DDX42: variants seen among roughly 807,000 people sequenced by gnomAD.
DDX42 encodes DEAD-box helicase 42, also known as ATP-dependent RNA helicase DDX42.
Under a neutral mutation model 101.5 loss-of-function variants are expected in DDX42, and 22 were observed. The ratio of observed to expected loss-of-function variants is 0.22; its 90% CI spans 0.15 to 0.31. DDX42 has a LOEUF of 0.31. DDX42 is among the 10% of genes least tolerant of loss of function. The probability of loss-of-function intolerance (pLI) is 1.00; values close to 1 mark genes in which losing one functional copy is unlikely to be tolerated. For missense variants in DDX42, 849 were observed against 1,199.9 expected, an observed-to-expected ratio of 0.71 and a Z score of 4.32; for synonymous variants, 402 against 401.2, an observed-to-expected ratio of 1.00 and a Z score of -0.02.
intron 15 of DDX42, among the ~76,000 whole-genome samples, chr17:63,814,974 C>G (rs912120106): frequency 1.3e-5 from 2 of 152,198 alleles, no homozygotes; most frequent in African/African-American, 4.8e-5. Context: ...TAGGCGTGAG[C>G]CACCGCCCTG....
In DDX42 at chr17:63,813,216, T is replaced by C. The variant is rs372479970; in HGVS notation, c.1676-12T>C. 13 of 1,583,014 alleles carry C rather than the reference T, an allele frequency of 8.2e-6. No homozygotes were observed. Among genetic ancestry groups the C allele is most frequent in the South Asian group, 1.1e-5 (1 of 89,132 alleles). ...ATGAAGAATAAAAGAATTTGGTTGC[T>C]TTTTATTTCAGCCCGTGGTCTGGAC... On this transcript the variant is annotated splice_polypyrimidine_tract_variant and intron_variant, in intron 14 of 17. Coordinates refer to ENST00000389924, the MANE Select transcript of DDX42 (RefSeq NM_203499.3).
In DDX42 at chr17:63,818,224, G is replaced by A. The variant is rs1385710237; in HGVS notation, c.2643G>A (p.Arg881=). 3 of 1,614,130 alleles carry A rather than the reference G, an allele frequency of 1.9e-6. No homozygotes were observed. The highest frequency in any genetic ancestry group is 2.5e-6 in the Non-Finnish European group (3 of 1,180,030). ...HGENRGANDG[R]NGESRKEAFN... ...AGAACCGGGGTGCAAATGATGGTCG[G>A]AATGGGGAAAGCAGGAAAGAAGCTT... Residue 881 remains arginine (R), a synonymous_variant, in exon 18 of 18, where the codon CGG becomes CGA. Transcript: ENST00000389924.
At chr17:63,814,675 CTTTTTTTTTTTT>C (rs58211962) in intron 15 of DDX42, among the ~76,000 whole-genome samples, 10 of 90,456 alleles carry the variant, frequency 1.1e-4, no homozygotes, top group South Asian at 4.3e-4. Context: ...GAGACATTTG[CTTTTTTTTTTTT>C]TTTTTTTTTT....
intron 9 of DDX42, 102 bp from the exon 10 acceptor site, chr17:63,808,718 A>G: frequency 1.3e-6 from 2 of 1,485,616 alleles, no homozygotes; most frequent in South Asian, 2.5e-5. Flanking sequence ...CTAGGTTTCG[A>G]TTTTTTATGA....
At chr17:63,816,334 A>C (rs1280888674) in intron 16 of DDX42, among the ~76,000 whole-genome samples, 2 of 152,202 alleles carry the variant, frequency 1.3e-5, no homozygotes, top group African/African-American at 4.8e-5. Context: ...ATGATGCATA[A>C]TAATAGGTAA....
At chr17:63,800,764 TC>T in intron 6 of DDX42, 147 bp downstream of exon 6, 1 of 926,736 alleles carries the variant, frequency 1.1e-6, no homozygotes, top group Non-Finnish European at 1.5e-6. Flanking sequence ...AGCCACAAAT[TC>T]CATGAGGCTT....
In DDX42 at chr17:63,784,593, C is replaced by T. The variant is rs1295868209; in HGVS notation, c.-16-2441C>T. ...GCCAGGATTTCGAGACCAGCCTAGG[C>T]AACATAGTGAGACCACAAAAAATTA... On this transcript the variant is annotated intron_variant, in intron 1 of 17. Coordinates refer to ENST00000389924, the MANE Select transcript of DDX42 (RefSeq NM_203499.3). Among the ~76,000 whole-genome samples the T allele has an allele frequency of 2.0e-5, 3 of 151,942 alleles. No individual in the cohort carries two copies. In the East Asian group the frequency reaches 5.8e-4, roughly 29 times the overall value.
chr17:63,807,268 G>A (rs572512741), intron 8 of DDX42, among the ~76,000 whole-genome samples: 4 of 152,218 alleles, frequency 2.6e-5, no homozygotes, highest in East Asian at 1.9e-4. Flanking sequence ...GGCCTCCCAA[G>A]TAGGTGGGAT....
chr17:63,811,246 T>C, intron 13 of DDX42, 73 bp downstream of exon 13: 1 of 1,134,618 alleles, frequency 8.8e-7, no homozygotes, highest in Non-Finnish European at 1.3e-6. Flanking sequence ...AATTAATTTC[T>C]CACTATTGAG....
intron 15 of DDX42, among the ~76,000 whole-genome samples, chr17:63,814,165 G>C (rs1555574703): frequency 6.6e-6 from 1 of 152,130 alleles, no homozygotes; most frequent in Non-Finnish European, 1.5e-5. Context: ...CCTCTTAACT[G>C]TTCCTTGCAG....
intron 15 of DDX42, among the ~76,000 whole-genome samples, chr17:63,814,838 T>G (rs1335756474): frequency 1.3e-5 from 2 of 152,076 alleles, no homozygotes; most frequent in African/African-American, 4.8e-5. Flanking sequence ...TAGAGGCATG[T>G]GCCACCATGC....
chr17:63,801,325 G>T (rs2039766907), intron 6 of DDX42, among the ~76,000 whole-genome samples: 1 of 152,064 alleles, frequency 6.6e-6, no homozygotes, highest in South Asian at 2.1e-4. Context: ...AAAGCGCTGG[G>T]ATTACAGGCG....
intron 2 of DDX42, among the ~76,000 whole-genome samples, chr17:63,791,784 C>T (rs537890145): frequency 3.6e-4 from 54 of 152,090 alleles, no homozygotes; most frequent in Non-Finnish European, 7.3e-4. Flanking sequence ...CAGTGGCTCT[C>T]GCCTGTAATC....
chr17:63,777,713 G>C (rs572344981), intron 1 of DDX42, among the ~76,000 whole-genome samples: 1 of 152,124 alleles, frequency 6.6e-6, no homozygotes, highest in East Asian at 1.9e-4. Context: ...CTCCCAAAGT[G>C]CTGAGATTAC....
chr17:63,809,940 G>A (rs1022688168), intron 11 of DDX42, among the ~76,000 whole-genome samples: 1 of 152,122 alleles, frequency 6.6e-6, no homozygotes, highest in Admixed American at 6.6e-5. Context: ...TAGAGGTTAA[G>A]GTCTGTGTTC....
intron 1 of DDX42, among the ~76,000 whole-genome samples, chr17:63,782,591 C>A (rs1229875207): frequency 6.6e-6 from 1 of 152,170 alleles, no homozygotes. Context: ...CCTTAGCTTC[C>A]ACACCAATTA....
At chr17:63,797,918 C>T in intron 3 of DDX42, 120 bp from the exon 4 acceptor site, 1 of 828,242 alleles carries the variant, frequency 1.2e-6, no homozygotes, top group Non-Finnish European at 1.9e-6. Flanking sequence ...AATTTGATGG[C>T]ATCAAAATGC....
intron 3 of DDX42, among the ~76,000 whole-genome samples, chr17:63,796,244 C>T (rs190993134): frequency 2.1e-3 from 318 of 152,240 alleles, no homozygotes; most frequent in African/African-American, 7.3e-3. Flanking sequence ...TATGGTAGTA[C>T]AAACTGGCAT....
At chr17:63,793,858 A>T (rs1005303805) in intron 3 of DDX42, among the ~76,000 whole-genome samples, 10 of 66,896 alleles carry the variant, frequency 1.5e-4, no homozygotes, top group Admixed American at 4.7e-4. Context: ...AGAAAAATTT[A>T]TATATATATA....
Sources: allele counts gnomAD v4.1 joint callset (sites outside exome capture counted in the v4.1 genomes callset), GRCh38; gene constraint gnomAD v4.1.1; transcripts MANE v1.5; gene names NCBI Gene and HGNC (gene_info 2026-07-23, HGNC 2026-07-21).